The following UNC5B variants were observed in gnomAD, a reference collection of about 807,000 sequenced individuals.
The protein encoded by UNC5B is unc-5 netrin receptor B.
UNC5B carries 56 observed loss-of-function variants against 103.7 expected under a neutral mutation model. That is an observed-to-expected ratio of 0.54 (90% CI 0.44 to 0.67). The LOEUF (loss-of-function observed/expected upper bound fraction) is 0.67. Among genes scored for constraint, UNC5B ranks in the 30% least tolerant of loss-of-function variants. The pLI is 0.00. For synonymous variants in UNC5B, 577 were observed against 542.0 expected, an observed-to-expected ratio of 1.06 and a Z score of -0.90; for missense variants, 1,194 against 1,284.5, an observed-to-expected ratio of 0.93 and a Z score of 1.08.
intron 1 of UNC5B, among the ~76,000 whole-genome samples, chr10:71,252,693 G>C (rs956583280): frequency 6.6e-6 from 1 of 152,216 alleles, no homozygotes; most frequent in Non-Finnish European, 1.5e-5. Context: ...AACAGACTCA[G>C]AGAGGTGAAG....
chr10:71,279,990 C>T lies in UNC5B; in HGVS notation c.249C>T (p.Gly83=). Residue 83 remains glycine, a synonymous_variant, in exon 2 of 17, where the codon GGC becomes GGT. Coordinates refer to ENST00000335350, the MANE Select transcript of UNC5B (RefSeq NM_170744.5). The stretch of plus-strand genomic sequence containing the variant: ...CACAGATCTACTTCAAGTGCAACGG[C>T]GAGTGGGTCAGCCAGAACGACCACG... ...PATQIYFKCN[G]EWVSQNDHVT... 2.5e-6 allele frequency: 4 copies of T among 1,614,132 alleles called. No homozygotes were observed. The highest frequency in any genetic ancestry group is 3.4e-6 in the Non-Finnish European group (4 of 1,180,038).
At chr10:71,251,657 G>A (rs1048766127) in intron 1 of UNC5B, among the ~76,000 whole-genome samples, 3 of 152,072 alleles carry the variant, frequency 2.0e-5, no homozygotes, top group Non-Finnish European at 2.9e-5. Context: ...GATTAAAGTT[G>A]CAGAGTATAC....
rs549899265 is a variant in UNC5B, at chr10:71,232,091, G to A, written c.79+19027G>A. 2.0e-3 allele frequency among the ~76,000 whole-genome samples: 310 copies of A among 152,304 alleles called. 2 individuals are homozygous for A. The highest frequency in any genetic ancestry group is 7.0e-3 in the African/African-American group (290 of 41,572). On this transcript the variant is annotated intron_variant, in intron 1 of 16. Coordinates refer to ENST00000335350, the MANE Select transcript of UNC5B (RefSeq NM_170744.5). ...GAACCCTCCTGCAAAGATGAAGAAA[G>A]GGATACCCTTTTTGACCCTCATAGA...
At chr10:71,265,725 G>T (rs74892899) in intron 1 of UNC5B, among the ~76,000 whole-genome samples, 6,203 of 152,262 alleles carry the variant, frequency 0.041, 182 homozygotes, top group Non-Finnish European at 0.061. Context: ...GGCCAGCCGG[G>T]CAGCGAGCAC....
At chr10:71,238,145 GC>G (rs1201941044) in intron 1 of UNC5B, among the ~76,000 whole-genome samples, 1 of 152,150 alleles carries the variant, frequency 6.6e-6, no homozygotes, top group African/African-American at 2.4e-5. Flanking sequence ...GGTGCTGGGA[GC>G]CCCCCTGCCC....
rs1845528259 is a variant in UNC5B at position 71,299,279 on chromosome 10, C to T, written c.*2C>T. The stretch of plus-strand genomic sequence containing the variant: ...GTGGCCACCGACGGGGACTGCTGAG[C>T]CTCCTGGGACAGCGGGCTGGCAGGG... On this transcript the variant is annotated 3_prime_UTR_variant, in exon 17 of 17. Coordinates refer to ENST00000335350, the MANE Select transcript of UNC5B (RefSeq NM_170744.5). 3 of 1,613,610 alleles carry T rather than the reference C, an allele frequency of 1.9e-6. No individual in the cohort carries two copies. In the African/African-American group the frequency reaches 4.0e-5, roughly 22 times the overall value.
intron 1 of UNC5B, among the ~76,000 whole-genome samples, chr10:71,255,199 G>T (rs1374043833): frequency 6.6e-6 from 1 of 152,152 alleles, no homozygotes; most frequent in Non-Finnish European, 1.5e-5. Flanking sequence ...CCTTTGTTGG[G>T]TATCTTACTC....
intron 5 of UNC5B, among the ~76,000 whole-genome samples, chr10:71,287,211 G>A (rs1413450053): frequency 2.0e-5 from 3 of 152,166 alleles, no homozygotes; most frequent in African/African-American, 7.2e-5. Flanking sequence ...TGCCCCCTTG[G>A]GCCCTATGGG....
intron 1 of UNC5B, among the ~76,000 whole-genome samples, chr10:71,230,237 ACT>A (rs962584205): frequency 3.9e-5 from 6 of 151,938 alleles, no homozygotes; most frequent in African/African-American, 1.5e-4. Context: ...GAGGGCCCTC[ACT>A]CTGATTGGTC....
intron 16 of UNC5B, 141 bp downstream of exon 16, chr10:71,298,231 AC>A: frequency 1.1e-6 from 1 of 944,006 alleles, no homozygotes; most frequent in Non-Finnish European, 1.5e-6. Context: ...CAAATCAGCA[AC>A]TCAGGATTGG....
intron 15 of UNC5B, among the ~76,000 whole-genome samples, chr10:71,297,276 C>T (rs371756908): frequency 1.3e-5 from 2 of 152,176 alleles, no homozygotes; most frequent in East Asian, 3.8e-4. Context: ...TCACAAGCAC[C>T]GGGAGATGCA....
chr10:71,294,318 G>A (rs1311831518), intron 13 of UNC5B, among the ~76,000 whole-genome samples: 2 of 152,222 alleles, frequency 1.3e-5, no homozygotes, highest in Non-Finnish European at 2.9e-5. Context: ...AAGCGTTTCA[G>A]CATGACCAAC....
chr10:71,288,824 C>G (rs1845164232), intron 7 of UNC5B, 92 bp downstream of exon 7: 1 of 1,549,786 alleles, frequency 6.5e-7, no homozygotes, highest in Non-Finnish European at 8.8e-7. Context: ...AGTGCCCAGC[C>G]TGCAGCACGG....
intron 1 of UNC5B, among the ~76,000 whole-genome samples, chr10:71,215,104 T>C (rs751124454): frequency 6.6e-6 from 1 of 152,104 alleles, no homozygotes; most frequent in Non-Finnish European, 1.5e-5. Context: ...TCCCACACAA[T>C]CTTGTTTTTC....
intron 1 of UNC5B, among the ~76,000 whole-genome samples, chr10:71,254,625 C>T (rs1047098192): frequency 1.3e-5 from 2 of 152,180 alleles, no homozygotes; most frequent in Non-Finnish European, 2.9e-5. Context: ...TAAAACCAGC[C>T]ATTCTCCCGC....
chr10:71,257,970 G>C (rs778242906), intron 1 of UNC5B, among the ~76,000 whole-genome samples: 2 of 152,228 alleles, frequency 1.3e-5, no homozygotes, highest in Non-Finnish European at 2.9e-5. Flanking sequence ...TAGAGGTGGG[G>C]AAACAGAGGC....
At chr10:71,236,737 G>A (rs540305058) in intron 1 of UNC5B, among the ~76,000 whole-genome samples, 1 of 152,316 alleles carries the variant, frequency 6.6e-6, no homozygotes, top group South Asian at 2.1e-4. Context: ...AAGGAAGTCT[G>A]CTCTGCTTCT....
chr10:71,232,730 T>C (rs769205106), intron 1 of UNC5B, among the ~76,000 whole-genome samples: 4 of 152,228 alleles, frequency 2.6e-5, no homozygotes, highest in South Asian at 2.1e-4. Context: ...GGAAGGGGTT[T>C]AGGGGCCATG....
Position 71,296,881 on chromosome 10 carries a change from ACG to A in UNC5B, c.2490+141_2490+142del, listed in dbSNP as rs1448048946. The A allele has an allele frequency of 1.9e-4, 101 of 540,568 alleles. 2 individuals carry two copies. The highest frequency in any genetic ancestry group is 1.7e-3 in the African/African-American group (77 of 44,340). The allele number at this position is 540,568 out of a possible 1,614,324, so 33.5% of individuals were successfully genotyped here. A position where few individuals can be genotyped will look rare whatever the true frequency, so the allele number is the denominator to read the frequency against. ...GGGGCAGATATTCCAGCTGCACACC[ACG>A]CTGGCGGAGGTGAGGGAAGGGTGGG... On this transcript the variant is annotated intron_variant, in intron 15 of 16. Coordinates refer to ENST00000335350, the MANE Select transcript of UNC5B (RefSeq NM_170744.5).
Sources: gnomAD v4.1 joint callset for allele counts (sites outside exome capture counted in the v4.1 genomes callset) on GRCh38, gnomAD v4.1.1 for gene constraint, MANE v1.5 for transcripts, NCBI Gene and HGNC (gene_info 2026-07-23, HGNC 2026-07-21) for gene names.